Variants in OR2F1 observed in about 807,000 individuals in gnomAD.
OR2F1 encodes the protein olfactory receptor family 2 subfamily F member 1, also known as olfactory receptor 2F1.
For synonymous variants in OR2F1, 146 were observed against 155.3 expected, an observed-to-expected ratio of 0.94 and a Z score of 0.44; for missense variants, 389 against 378.2, an observed-to-expected ratio of 1.03 and a Z score of -0.24.
rs924228439 is a variant in OR2F1 at position 143,961,133 on chromosome 7, T to G, written c.*209T>G. The G allele has an allele frequency of 1.0e-4, 53 of 516,810 alleles. No individual in the cohort carries two copies. In the East Asian group the frequency reaches 1.6e-3, roughly 16 times the overall value. 32.0% of individuals were successfully genotyped at this position (516,810 alleles called of 1,614,324 possible). On this transcript the variant is annotated 3_prime_UTR_variant, in exon 3 of 3. Coordinates refer to ENST00000641412, the MANE Select transcript of OR2F1 (RefSeq NM_012369.3). ...TGAACAGTGGAGTTAGATACTGCTGTTATAAAACCTCCCACACTTCTTCCA... is the reference window on the plus strand; with the variant it reads ...TGAACAGTGGAGTTAGATACTGCTGGTATAAAACCTCCCACACTTCTTCCA...
At chr7:143,956,801 T>C (rs1166327258) in intron 1 of OR2F1, among the ~76,000 whole-genome samples, 2 of 152,072 alleles carry the variant, frequency 1.3e-5, no homozygotes, top group Non-Finnish European at 2.9e-5. Flanking sequence ...GTCTGGCAAC[T>C]CTAGCAGATG....
rs1250676828 is a variant in OR2F1 at position 143,962,889 on chromosome 7, G to T, written c.*1965G>T. On this transcript the variant is annotated 3_prime_UTR_variant, in exon 3 of 3. Transcript: ENST00000641412. ...TGGCAAATGAGATAGTGGAAGAAAAGATTAGAGGCAAGATGACCAGCCTGT... is the reference window on the plus strand; with the variant it reads ...TGGCAAATGAGATAGTGGAAGAAAATATTAGAGGCAAGATGACCAGCCTGT... The T allele has an allele frequency of 6.6e-6, 1 of 152,216 alleles. No individual in the cohort carries two copies. The highest frequency in any genetic ancestry group is 1.9e-4 in the East Asian group (1 of 5,196). 9.4% of individuals were successfully genotyped at this position (152,216 alleles called of 1,614,324 possible). A position where few individuals can be genotyped will look rare whatever the true frequency, so the allele number is the denominator to read the frequency against.
Position 143,963,214 on chromosome 7 carries a change from T to A in OR2F1, c.*2290T>A, listed in dbSNP as rs2050342881. Reference sequence around the variant, plus strand: ...GTAATCAAAAATACAAACATACACATAATACATCAAGGAGGAAAATACGTG... The same window carrying A: ...GTAATCAAAAATACAAACATACACAAAATACATCAAGGAGGAAAATACGTG... On this transcript the variant is annotated 3_prime_UTR_variant, in exon 3 of 3. Transcript: ENST00000641412. 1 of 152,158 alleles carries A rather than the reference T, an allele frequency of 6.6e-6. No individual in the cohort carries two copies. Among genetic ancestry groups the A allele is most frequent in the African/African-American group, 2.4e-5 (1 of 41,426 alleles). The allele number at this position is 152,158 out of a possible 1,614,324, so 9.4% of individuals were successfully genotyped here. A position where few individuals can be genotyped will look rare whatever the true frequency, so the allele number is the denominator to read the frequency against.
Position 143,960,491 on chromosome 7 carries a change from T to C in OR2F1, c.521T>C (p.Ile174Thr). 1 of 1,614,202 alleles carries C rather than the reference T, an allele frequency of 6.2e-7. No homozygotes were observed. The highest frequency in any genetic ancestry group is 8.5e-7 in the Non-Finnish European group (1 of 1,180,042). Reference protein sequence around the residue: ...FQLPMCRNKFIDHISCELLAV... With the variant: ...FQLPMCRNKFTDHISCELLAV... The stretch of plus-strand genomic sequence containing the variant: ...CTGCCCATGTGCAGAAACAAGTTTA[T>C]TGATCACATATCCTGTGAACTCCTA... The change falls in exon 3 of 3, where the codon ATT (isoleucine) becomes ACT (threonine). Residue 174 changes from isoleucine to threonine, a missense_variant. Coordinates refer to ENST00000641412, the MANE Select transcript of OR2F1 (RefSeq NM_012369.3).
In OR2F1 at chr7:143,962,308, C is replaced by T. The variant is rs2050335741; in HGVS notation, c.*1384C>T. On this transcript the variant is annotated 3_prime_UTR_variant, in exon 3 of 3. Transcript: ENST00000641412. ...TAAATTTTGCAAGATAGGCAGGCAT[C>T]CTAAAAGATGACAATGCTGGCAAAT... 1 of 152,126 alleles carries T rather than the reference C, an allele frequency of 6.6e-6. No homozygotes were observed. The highest frequency in any genetic ancestry group is 1.5e-5 in the Non-Finnish European group (1 of 68,024). The allele number at this position is 152,126 out of a possible 1,614,324, so 9.4% of individuals were successfully genotyped here.
Position 143,961,030 on chromosome 7 carries a change from C to T in OR2F1, c.*106C>T, listed in dbSNP as rs559713740. ...GCCCTGGCAACCAGGAAGGAGATGA[C>T]GTAGCATGTACTGTGGATGTTATGG... On this transcript the variant is annotated 3_prime_UTR_variant, in exon 3 of 3. Transcript: ENST00000641412. 19 of 811,464 alleles carry T rather than the reference C, an allele frequency of 2.3e-5. No individual in the cohort carries two copies. Among genetic ancestry groups the T allele is most frequent in the African/African-American group, 1.2e-4 (7 of 57,650 alleles). The allele number at this position is 811,464 out of a possible 1,614,324, so 50.3% of individuals were successfully genotyped here.
rs1345090350 is a variant in OR2F1, at chr7:143,960,679, G to A, written c.709G>A (p.Ala237Thr). Residue 237 changes from alanine (A) to threonine (T), a missense_variant, in exon 3 of 3, where the codon GCT becomes ACT. Transcript: ENST00000641412. ...KIQSREGRKK[A>T]FHTCASHLTV... The stretch of plus-strand genomic sequence containing the variant: ...CCAGTCCAGAGAAGGAAGAAAGAAA[G>A]CTTTCCACACGTGTGCCTCTCACCT... 1 of 1,614,042 alleles carries A rather than the reference G, an allele frequency of 6.2e-7. No individual in the cohort carries two copies. The highest frequency in any genetic ancestry group is 1.1e-5 in the South Asian group (1 of 91,060).
Position 143,961,179 on chromosome 7 carries a change from C to T in OR2F1, c.*255C>T. 2.3e-6 allele frequency: 1 copy of T among 429,042 alleles called. No homozygotes were observed. Among genetic ancestry groups the T allele is most frequent in the Non-Finnish European group, 4.3e-6 (1 of 235,154 alleles). The allele number at this position is 429,042 out of a possible 1,614,324, so 26.6% of individuals were successfully genotyped here. ...TTCCACCTCCACTCTTACAGCCTGA[C>T]AATCGTTGAAAAAAAATTACTACTT... On this transcript the variant is annotated 3_prime_UTR_variant, in exon 3 of 3. Coordinates refer to ENST00000641412, the MANE Select transcript of OR2F1 (RefSeq NM_012369.3).
rs1176027215 is a variant in OR2F1, at chr7:143,954,894, A to C, written c.-389A>C. ...TCAATGAATTGATTTGCTTTACTAA[A>C]GAGAGATCTTGACTGATTGAAATTT... On this transcript the variant is annotated 5_prime_UTR_variant, in exon 1 of 3. Transcript: ENST00000641412. 1 of 152,218 alleles carries C rather than the reference A, an allele frequency of 6.6e-6. No individual in the cohort carries two copies. The highest frequency in any genetic ancestry group is 1.5e-5 in the Non-Finnish European group (1 of 68,028). 9.4% of individuals were successfully genotyped at this position (152,218 alleles called of 1,614,324 possible).
rs1445892509 is a variant in OR2F1, at chr7:143,962,266, T to G, written c.*1342T>G. 1 of 152,202 alleles carries G rather than the reference T, an allele frequency of 6.6e-6. No homozygotes were observed. The highest frequency in any genetic ancestry group is 1.5e-5 in the Non-Finnish European group (1 of 68,046). The allele number at this position is 152,202 out of a possible 1,614,324, so 9.4% of individuals were successfully genotyped here. A position where few individuals can be genotyped will look rare whatever the true frequency, so the allele number is the denominator to read the frequency against. ...CCCATTTGACATCTGAATTTTATAT[T>G]AATAGTAATGCAATCTTAAATTTTG... On this transcript the variant is annotated 3_prime_UTR_variant, in exon 3 of 3. Transcript: ENST00000641412.
chr7:143,958,708 T>C (rs1036719702), intron 1 of OR2F1, among the ~76,000 whole-genome samples: 1 of 152,124 alleles, frequency 6.6e-6, no homozygotes, highest in East Asian at 1.9e-4. Context: ...GGTTCTATTT[T>C]TTTTTTACAA....
chr7:143,961,367 T>A lies in OR2F1; in HGVS notation c.*443T>A, dbSNP rs79026525. The A allele has an allele frequency of 6.1e-6, 1 of 163,996 alleles. No individual in the cohort carries two copies. The highest frequency in any genetic ancestry group is 1.3e-5 in the Non-Finnish European group (1 of 74,154). The allele number at this position is 163,996 out of a possible 1,614,324, so 10.2% of individuals were successfully genotyped here. On this transcript the variant is annotated 3_prime_UTR_variant, in exon 3 of 3. Transcript: ENST00000641412. ...AAGACTCACTTTAAATAATTTGTAG[T>A]GTATGTCATCACATGCAGTAATTGT...
chr7:143,956,627 T>C (rs1202297327), intron 1 of OR2F1, among the ~76,000 whole-genome samples: 4 of 152,178 alleles, frequency 2.6e-5, no homozygotes, highest in African/African-American at 9.6e-5. Flanking sequence ...GGATGAAAAG[T>C]ATTCTGCCCA....
chr7:143,956,152 TC>T (rs968878854), intron 1 of OR2F1, among the ~76,000 whole-genome samples: 169 of 151,914 alleles, frequency 1.1e-3, no homozygotes, highest in African/African-American at 3.9e-3. Context: ...GCAGTAAAGA[TC>T]AAGCTCTGGC....
At position 143,960,989 on chromosome 7, in the gene OR2F1, A is replaced by T. The variant is rs1178405932; in HGVS notation, c.*65A>T. ...GTTCTCCACCCAGCTGAGATCTGAC[A>T]GGTGTAAACTACATTGCCCTGGCAA... On this transcript the variant is annotated 3_prime_UTR_variant, in exon 3 of 3. Transcript: ENST00000641412. 14 of 1,274,824 alleles carry T rather than the reference A, an allele frequency of 1.1e-5. No homozygotes were observed. The highest frequency in any genetic ancestry group is 2.1e-5 in the Admixed American group (1 of 48,324). 79.0% of individuals were successfully genotyped at this position (1,274,824 alleles called of 1,614,324 possible).
rs2050322392 is a variant in OR2F1 at position 143,960,754 on chromosome 7, C to A, written c.784C>A (p.Pro262Thr). The A allele has an allele frequency of 6.2e-7, 1 of 1,614,158 alleles. No individual in the cohort carries two copies. The highest frequency in any genetic ancestry group is 8.5e-7 in the Non-Finnish European group (1 of 1,180,038). The change falls in exon 3 of 3, where the codon CCC becomes ACC. Residue 262 changes from proline to threonine, a missense_variant. Transcript: ENST00000641412. ...TGTGGCCATTTTCACTTACATCCAG[C>A]CCCACTCCAGTCCCTCTGTCCTTCA... ...YGVAIFTYIQ[P>T]HSSPSVLQEK...
Position 143,961,929 on chromosome 7 carries a change from C to T in OR2F1, c.*1005C>T, listed in dbSNP as rs967794646. On this transcript the variant is annotated 3_prime_UTR_variant, in exon 3 of 3. Transcript: ENST00000641412. The stretch of plus-strand genomic sequence containing the variant: ...CATTGAGAACTTCTCTTGCCACCTC[C>T]GTCTTCGTCACCTTCACACACACAA... 3 of 152,222 alleles carry T rather than the reference C, an allele frequency of 2.0e-5. No homozygotes were observed. Among genetic ancestry groups the T allele is most frequent in the Admixed American group, 6.5e-5 (1 of 15,292 alleles). The allele number at this position is 152,222 out of a possible 1,614,324, so 9.4% of individuals were successfully genotyped here. A position where few individuals can be genotyped will look rare whatever the true frequency, so the allele number is the denominator to read the frequency against.
rs1289769061 is a variant in OR2F1, at chr7:143,962,661, A to C, written c.*1737A>C. ...AGATGTGAGCAAGCATGAAAGTCCAAAAAATGTTGGAAGTTCAATTTCAGG... is the reference window on the plus strand; with the variant it reads ...AGATGTGAGCAAGCATGAAAGTCCACAAAATGTTGGAAGTTCAATTTCAGG... On this transcript the variant is annotated 3_prime_UTR_variant, in exon 3 of 3. Coordinates refer to ENST00000641412, the MANE Select transcript of OR2F1 (RefSeq NM_012369.3). The C allele has an allele frequency of 2.0e-5, 3 of 152,234 alleles. No homozygotes were observed. The highest frequency in any genetic ancestry group is 4.4e-5 in the Non-Finnish European group (3 of 68,058). The allele number at this position is 152,234 out of a possible 1,614,324, so 9.4% of individuals were successfully genotyped here.
rs2050314253 is a variant in OR2F1 at position 143,960,145 on chromosome 7, A to G, written c.175A>G (p.Met59Val). Residue 59 changes from methionine to valine, a missense_variant, in exon 3 of 3, where the codon ATG becomes GTG. Met to Val is a conservative substitution (Grantham distance 21). Transcript: ENST00000641412. ...ACTGGACAGCCGACTCCACACTCCC[A>G]TGTATTTCTTTCTCACCAACCTCTC... is the stretch of plus-strand genomic sequence containing the variant. Reference protein sequence around the residue: ...IRLDSRLHTPMYFFLTNLSLV... With the variant: ...IRLDSRLHTPVYFFLTNLSLV... The G allele has an allele frequency of 1.9e-6, 3 of 1,614,100 alleles. No homozygotes were observed. The highest frequency in any genetic ancestry group is 2.5e-6 in the Non-Finnish European group (3 of 1,180,020).
Sources: gnomAD v4.1 joint callset for allele counts (sites outside exome capture counted in the v4.1 genomes callset) on GRCh38, gnomAD v4.1.1 for gene constraint, MANE v1.5 for transcripts, NCBI Gene and HGNC (gene_info 2026-07-23, HGNC 2026-07-21) for gene names.